The following MIPOL1 variants were observed in gnomAD, a reference collection of about 807,000 sequenced individuals.
MIPOL1 encodes the protein mirror-image polydactyly gene 1 protein.
In MIPOL1, 57 loss-of-function variants were observed where a neutral mutation model predicts 60.9. The ratio of observed to expected loss-of-function variants is 0.94; its 90% CI spans 0.76 to 1.17. The LOEUF is 1.17. Among genes scored for constraint, MIPOL1 ranks in the 50% most tolerant of loss-of-function variants. The pLI, the probability that MIPOL1 is intolerant of heterozygous loss-of-function variation, is 0.00. For missense variants in MIPOL1, 551 were observed against 511.6 expected (o/e 1.08, Z -0.74); for synonymous variants, 179 against 168.8 (o/e 1.06, Z -0.47).
intron 11 of MIPOL1, among the ~76,000 whole-genome samples, chr14:37,435,042 T>C (rs1446891912): frequency 1.3e-5 from 2 of 152,128 alleles, no homozygotes; most frequent in African/African-American, 2.4e-5. Context: ...CACCACACTT[T>C]CTATTCCACC....
intron 11 of MIPOL1, among the ~76,000 whole-genome samples, chr14:37,447,406 ATTT>A (rs1420582382): frequency 6.6e-6 from 1 of 152,068 alleles, no homozygotes; most frequent in African/African-American, 2.4e-5. Flanking sequence ...TCTGAATCTA[ATTT>A]CAGTGAAAGA....
At chr14:37,304,009 T>C (rs1408324682) in intron 7 of MIPOL1, among the ~76,000 whole-genome samples, 1 of 151,776 alleles carries the variant, frequency 6.6e-6, no homozygotes, top group Non-Finnish European at 1.5e-5. Flanking sequence ...ATGAGGTTCT[T>C]TTCTGCTGAA....
At chr14:37,264,881 C>G (rs1222130545) in intron 3 of MIPOL1, among the ~76,000 whole-genome samples, 1 of 152,130 alleles carries the variant, frequency 6.6e-6, no homozygotes, top group Non-Finnish European at 1.5e-5. Flanking sequence ...TTCTTCTCTC[C>G]ATTTTCTGCC....
intron 11 of MIPOL1, among the ~76,000 whole-genome samples, chr14:37,457,753 G>T (rs983473150): frequency 6.6e-6 from 1 of 151,996 alleles, no homozygotes; most frequent in African/African-American, 2.4e-5. Context: ...ATTCCTATAT[G>T]TCCTTGTTCT....
intron 11 of MIPOL1, among the ~76,000 whole-genome samples, chr14:37,451,119 A>G (rs868271634): frequency 7.2e-5 from 11 of 152,216 alleles, no homozygotes; most frequent in Non-Finnish European, 1.2e-4. Context: ...TTTAAGATCT[A>G]TATCACATTT....
intron 7 of MIPOL1, among the ~76,000 whole-genome samples, chr14:37,291,927 T>TC (rs1567309272): frequency 7.0e-6 from 1 of 142,636 alleles, no homozygotes; most frequent in Non-Finnish European, 1.5e-5. Context: ...TTTTTTTTTT[T>TC]TTTTTTTTTT....
chr14:37,234,710 T>C (rs1971162918), intron 1 of MIPOL1, among the ~76,000 whole-genome samples: 1 of 152,010 alleles, frequency 6.6e-6, no homozygotes, highest in Admixed American at 6.6e-5. Flanking sequence ...TAGGCTTCCA[T>C]TCTAGTTACT....
chr14:37,535,309 C>G (rs1254107879), intron 12 of MIPOL1, among the ~76,000 whole-genome samples: 1 of 152,102 alleles, frequency 6.6e-6, no homozygotes, highest in Non-Finnish European at 1.5e-5. Context: ...TATATCTAAT[C>G]TAAGGACAGT....
At chr14:37,199,997 G>A (rs988025181) in intron 1 of MIPOL1, among the ~76,000 whole-genome samples, 2 of 152,130 alleles carry the variant, frequency 1.3e-5, no homozygotes, top group Non-Finnish European at 2.9e-5. Context: ...ATTTCACACT[G>A]TCTTTTTCAT....
chr14:37,533,328 C>A (rs2095490501), intron 12 of MIPOL1, among the ~76,000 whole-genome samples: 1 of 152,126 alleles, frequency 6.6e-6, no homozygotes, highest in African/African-American at 2.4e-5. Context: ...ATATCCTTAT[C>A]TTGAAACCAA....
rs368766994 is a variant in MIPOL1, at chr14:37,271,277, G to A, written c.493+752G>A. On this transcript the variant is annotated intron_variant, in intron 6 of 12. Coordinates refer to ENST00000684589, the MANE Select transcript of MIPOL1 (RefSeq NM_001388067.1). ...GAAAGAGAAATTTCATGGAGTAATA[G>A]ACATTAGCATTCAGAGCCATTTTAG... 3.9e-5 allele frequency among the ~76,000 whole-genome samples: 6 copies of A among 152,088 alleles called. No individual in the cohort carries two copies. In the East Asian group the frequency reaches 1.2e-3, roughly 29 times the overall value.
intron 11 of MIPOL1, among the ~76,000 whole-genome samples, chr14:37,448,872 A>G (rs1382387327): frequency 6.6e-6 from 1 of 152,208 alleles, no homozygotes; most frequent in African/African-American, 2.4e-5. Context: ...TTTTTGCATT[A>G]ATCAATATTT....
At chr14:37,236,388 A>C (rs2153331659) in intron 1 of MIPOL1, among the ~76,000 whole-genome samples, 1 of 151,416 alleles carries the variant, frequency 6.6e-6, no homozygotes, top group African/African-American at 2.4e-5. Flanking sequence ...CCCCCCTCCC[A>C]CTTTTTTTGT....
intron 11 of MIPOL1, among the ~76,000 whole-genome samples, chr14:37,456,654 T>A (rs1490992652): frequency 1.3e-5 from 2 of 152,160 alleles, no homozygotes; most frequent in African/African-American, 4.8e-5. Context: ...GATTGGCTTA[T>A]GTGTGTTTAT....
At chr14:37,205,129 GT>G in intron 1 of MIPOL1, among the ~76,000 whole-genome samples, 1 of 151,794 alleles carries the variant, frequency 6.6e-6, no homozygotes, top group Non-Finnish European at 1.5e-5. Context: ...TTGAGACGGA[GT>G]TTTGCTTTTA....
intron 11 of MIPOL1, among the ~76,000 whole-genome samples, chr14:37,457,634 A>G (rs1179801627): frequency 6.6e-6 from 1 of 152,110 alleles, no homozygotes; most frequent in African/African-American, 2.4e-5. Context: ...TTCTCATACC[A>G]CCATGCTGAT....
chr14:37,288,273 C>T (rs1441380531), intron 7 of MIPOL1, among the ~76,000 whole-genome samples: 1 of 151,698 alleles, frequency 6.6e-6, no homozygotes, highest in Non-Finnish European at 1.5e-5. Flanking sequence ...CCCCAAAATG[C>T]TGGAATTACA....
intron 12 of MIPOL1, among the ~76,000 whole-genome samples, chr14:37,513,423 T>C (rs1158684464): frequency 6.6e-6 from 1 of 152,164 alleles, no homozygotes; most frequent in Non-Finnish European, 1.5e-5. Context: ...CATTTATTTA[T>C]AAAAACTAAA....
intron 10 of MIPOL1, among the ~76,000 whole-genome samples, chr14:37,403,540 T>C (rs575525258): frequency 5.5e-4 from 82 of 149,618 alleles, no homozygotes; most frequent in African/African-American, 2.0e-3. Flanking sequence ...CCTCCTAAAG[T>C]GCTGGGAGTA....
Sources: allele counts gnomAD v4.1 joint callset (sites outside exome capture counted in the v4.1 genomes callset), GRCh38; gene constraint gnomAD v4.1.1; transcripts MANE v1.5; gene names NCBI Gene and HGNC (gene_info 2026-07-23, HGNC 2026-07-21).